The following SPMIP2 variants were observed in gnomAD, a reference collection of about 807,000 sequenced individuals.
SPMIP2 encodes the protein sperm microtubule inner protein 2, also known as protein SPMIP2.
At chr4:159,004,005 GT>G in the SPMIP2 span, among the ~76,000 whole-genome samples, 6 of 151,622 alleles carry the variant, frequency 4.0e-5, no homozygotes, top group South Asian at 2.1e-4. Context: ...TCCATTTTGG[GT>G]TTTTTTTGTT....
At chr4:158,987,189 G>A in the SPMIP2 span, among the ~76,000 whole-genome samples, 1 of 147,090 alleles carries the variant, frequency 6.8e-6, no homozygotes, top group Non-Finnish European at 1.5e-5. Flanking sequence ...TGGTGGGACT[G>A]TAATCTAGTT....
chr4:158,939,177 T>C, the SPMIP2 span, among the ~76,000 whole-genome samples: 237 of 152,370 alleles, frequency 1.6e-3, 6 homozygotes, highest in South Asian at 0.025. Flanking sequence ...TGGGAGACTA[T>C]AGCAGTATTG....
chr4:159,076,860 T>C, the SPMIP2 span, among the ~76,000 whole-genome samples: 1 of 150,236 alleles, frequency 6.7e-6, no homozygotes, highest in Middle Eastern at 3.5e-3. Flanking sequence ...TTTTTTGAGA[T>C]GGAGTCTCGC....
chr4:159,075,553 C>T, the SPMIP2 span, among the ~76,000 whole-genome samples: 48 of 152,020 alleles, frequency 3.2e-4, no homozygotes, highest in African/African-American at 1.0e-3. Flanking sequence ...ATAATGAAAG[C>T]TTTTAGAGGT....
the SPMIP2 span, among the ~76,000 whole-genome samples, chr4:159,068,901 C>G: frequency 6.6e-6 from 1 of 152,094 alleles, no homozygotes; most frequent in Non-Finnish European, 1.5e-5. Context: ...TAAAGTAGAT[C>G]CTTTTGGGAG....
the SPMIP2 span, among the ~76,000 whole-genome samples, chr4:158,978,281 A>G: frequency 6.6e-6 from 1 of 152,060 alleles, no homozygotes; most frequent in Non-Finnish European, 1.5e-5. Flanking sequence ...GTGGTCTGAG[A>G]GACTGTTATG....
the SPMIP2 span, among the ~76,000 whole-genome samples, chr4:159,041,478 A>G: frequency 0.18 from 26,718 of 152,078 alleles, 2,731 homozygotes; most frequent in African/African-American, 0.28. Flanking sequence ...CTAAGACTGA[A>G]CCCCTTATTT....
At chr4:158,903,024 C>T in the SPMIP2 span, among the ~76,000 whole-genome samples, 17 of 152,286 alleles carry the variant, frequency 1.1e-4, no homozygotes, top group East Asian at 2.9e-3. Context: ...CCGGGTGCCA[C>T]TGAGGTATGG....
At chr4:159,047,120 T>C in the SPMIP2 span, among the ~76,000 whole-genome samples, 1 of 152,248 alleles carries the variant, frequency 6.6e-6, no homozygotes, top group African/African-American at 2.4e-5. Flanking sequence ...AGACCACTTA[T>C]GCTCTGGAAC....
chr4:159,029,578 C>G, the SPMIP2 span, among the ~76,000 whole-genome samples: 1 of 152,148 alleles, frequency 6.6e-6, no homozygotes, highest in Non-Finnish European at 1.5e-5. Flanking sequence ...AACTTATGCT[C>G]TAACTATGAT....
the SPMIP2 span, among the ~76,000 whole-genome samples, chr4:158,950,564 G>T: frequency 6.6e-6 from 1 of 152,130 alleles, no homozygotes. Flanking sequence ...AATTTTGGGG[G>T]GAAGACCAAT....
the SPMIP2 span, among the ~76,000 whole-genome samples, chr4:159,039,751 A>G: frequency 6.6e-6 from 1 of 152,254 alleles, no homozygotes; most frequent in Non-Finnish European, 1.5e-5. Context: ...GATGAAACTC[A>G]GGGTTTGCTG....
At chr4:159,007,563 G>C in the SPMIP2 span, 1 of 1,090,736 alleles carries the variant, frequency 9.2e-7, no homozygotes, top group Non-Finnish European at 1.4e-6. Context: ...GCTGGAGAGG[G>C]TGAATGCCGT....
At chr4:159,011,007 T>C in the SPMIP2 span, among the ~76,000 whole-genome samples, 1 of 152,164 alleles carries the variant, frequency 6.6e-6, no homozygotes, top group African/African-American at 2.4e-5. Context: ...CATAACCACA[T>C]GATGTCTCTC....
the SPMIP2 span, among the ~76,000 whole-genome samples, chr4:159,052,520 G>T: frequency 6.6e-6 from 1 of 152,104 alleles, no homozygotes; most frequent in Non-Finnish European, 1.5e-5. Flanking sequence ...GAAGTTTTGT[G>T]GTTGGAACTT....
At chr4:159,031,033 C>T in the SPMIP2 span, among the ~76,000 whole-genome samples, 1 of 151,996 alleles carries the variant, frequency 6.6e-6, no homozygotes, top group East Asian at 1.9e-4. Context: ...ATCACAATTA[C>T]ACAATATTTG....
chr4:158,974,096 T>G, the SPMIP2 span, among the ~76,000 whole-genome samples: 1 of 150,290 alleles, frequency 6.7e-6, no homozygotes, highest in Admixed American at 6.7e-5. Context: ...TAGATAAAAA[T>G]CTGAAATGTG....
chr4:158,986,964 G>C, the SPMIP2 span, among the ~76,000 whole-genome samples: 1 of 141,374 alleles, frequency 7.1e-6, no homozygotes, highest in Non-Finnish European at 1.5e-5. Flanking sequence ...ATCAAAAAGT[G>C]GGCGAAGGAC....
At chr4:158,927,866 T>C in the SPMIP2 span, among the ~76,000 whole-genome samples, 1 of 151,832 alleles carries the variant, frequency 6.6e-6, no homozygotes, top group Admixed American at 6.6e-5. Flanking sequence ...ACGGCGGGTG[T>C]ACTGGGTCCC....
Sources: allele counts gnomAD v4.1 joint callset (sites outside exome capture counted in the v4.1 genomes callset), GRCh38; gene constraint gnomAD v4.1.1; transcripts MANE v1.5; gene names NCBI Gene and HGNC (gene_info 2026-07-23, HGNC 2026-07-21).